KCTD8: variants seen among roughly 807,000 people sequenced by gnomAD.
KCTD8 encodes the protein BTB/POZ domain-containing protein KCTD8.
Under a neutral mutation model 31.5 loss-of-function variants are expected in KCTD8, and 27 were observed. The observed-to-expected ratio is 0.86, with a 90% CI of 0.63 to 1.18. The LOEUF is 1.18. Ranked by LOEUF, KCTD8 falls within the 50% of genes most tolerant of loss-of-function variation. The pLI, the probability that KCTD8 is intolerant of heterozygous loss-of-function variation, is 0.00. For synonymous variants in KCTD8, 290 were observed against 280.0 expected (o/e 1.04, Z -0.36); for missense variants, 658 against 647.7 (o/e 1.02, Z -0.17).
chr4:44,402,606 C>G (rs963982263), intron 1 of KCTD8, among the ~76,000 whole-genome samples: 11 of 152,236 alleles, frequency 7.2e-5, no homozygotes, highest in African/African-American at 2.4e-4. Flanking sequence ...AGTCTCCATC[C>G]TAGGTCCTGG....
At chr4:44,193,998 G>T (rs1713852936) in intron 1 of KCTD8, among the ~76,000 whole-genome samples, 1 of 152,124 alleles carries the variant, frequency 6.6e-6, no homozygotes, top group Non-Finnish European at 1.5e-5. Flanking sequence ...ATATAACAGA[G>T]AAAGAATAGA....
At chr4:44,313,922 G>A (rs1349331083) in intron 1 of KCTD8, among the ~76,000 whole-genome samples, 1 of 152,206 alleles carries the variant, frequency 6.6e-6, no homozygotes, top group African/African-American at 2.4e-5. Flanking sequence ...CAAACTTACG[G>A]AAATGGAACA....
intron 1 of KCTD8, among the ~76,000 whole-genome samples, chr4:44,218,194 C>T (rs541001565): frequency 6.0e-4 from 78 of 129,624 alleles, no homozygotes; most frequent in African/African-American, 2.2e-3. Context: ...AGTACGGTGG[C>T]GCAATCTCGG....
chr4:44,283,552 T>C (rs1442598645), intron 1 of KCTD8, among the ~76,000 whole-genome samples: 1 of 152,050 alleles, frequency 6.6e-6, no homozygotes, highest in African/African-American at 2.4e-5. Flanking sequence ...CCTTAATAAT[T>C]ATTCTAAGTC....
chr4:44,328,893 G>C (rs1718521776), intron 1 of KCTD8, among the ~76,000 whole-genome samples: 1 of 151,842 alleles, frequency 6.6e-6, no homozygotes, highest in South Asian at 2.1e-4. Context: ...GGAGTACAAG[G>C]GGAAGGAAAA....
chr4:44,406,557 T>A (rs143220269), intron 1 of KCTD8, among the ~76,000 whole-genome samples: 23 of 152,276 alleles, frequency 1.5e-4, no homozygotes, highest in African/African-American at 5.1e-4. Flanking sequence ...TCCCCAGCCA[T>A]GTCGAAGTCC....
intron 1 of KCTD8, among the ~76,000 whole-genome samples, chr4:44,189,901 T>C (rs1713711507): frequency 6.6e-6 from 1 of 152,148 alleles, no homozygotes; most frequent in African/African-American, 2.4e-5. Flanking sequence ...AGGTTTCAAA[T>C]CTCAGAGTCA....
At chr4:44,253,330 CA>C (rs1715898836) in intron 1 of KCTD8, among the ~76,000 whole-genome samples, 2 of 151,300 alleles carry the variant, frequency 1.3e-5, no homozygotes, top group Admixed American at 1.3e-4. Flanking sequence ...ATTGGCTATT[CA>C]GATTTATAAT....
At chr4:44,319,345 A>G (rs1718228524) in intron 1 of KCTD8, among the ~76,000 whole-genome samples, 1 of 152,060 alleles carries the variant, frequency 6.6e-6, no homozygotes, top group Non-Finnish European at 1.5e-5. Flanking sequence ...GGAGTGGGGG[A>G]TTAGCAGGAG....
chr4:44,201,001 T>C (rs1714130260), intron 1 of KCTD8, among the ~76,000 whole-genome samples: 1 of 151,938 alleles, frequency 6.6e-6, no homozygotes, highest in Non-Finnish European at 1.5e-5. Flanking sequence ...AATGGCATTG[T>C]TATGCATCAA....
intron 1 of KCTD8, among the ~76,000 whole-genome samples, chr4:44,301,737 C>T (rs1349832795): frequency 6.6e-6 from 1 of 152,136 alleles, no homozygotes; most frequent in Non-Finnish European, 1.5e-5. Flanking sequence ...TCCCATTTGT[C>T]AATTTTGGCT....
At chr4:44,195,554 T>C (rs888784718) in intron 1 of KCTD8, among the ~76,000 whole-genome samples, 1 of 152,206 alleles carries the variant, frequency 6.6e-6, no homozygotes, top group Non-Finnish European at 1.5e-5. Flanking sequence ...GTTTGTTTTT[T>C]ATTGGTTTCG....
chr4:44,372,215 A>G (rs1719805922), intron 1 of KCTD8, among the ~76,000 whole-genome samples: 1 of 152,182 alleles, frequency 6.6e-6, no homozygotes, highest in African/African-American at 2.4e-5. Flanking sequence ...AAAAAAACAA[A>G]CAGATGTACC....
chr4:44,308,613 C>T (rs1201909597), intron 1 of KCTD8, among the ~76,000 whole-genome samples: 1 of 151,962 alleles, frequency 6.6e-6, no homozygotes, highest in African/African-American at 2.4e-5. Context: ...TTTACAAGAA[C>T]AGATGTACTA....
chr4:44,269,925 AC>A (rs1203053371), intron 1 of KCTD8, among the ~76,000 whole-genome samples: 7 of 151,832 alleles, frequency 4.6e-5, no homozygotes. Flanking sequence ...AAATAGGAAC[AC>A]TTTTACACTG....
At chr4:44,184,567 T>A (rs1327938517) in intron 1 of KCTD8, among the ~76,000 whole-genome samples, 1 of 152,208 alleles carries the variant, frequency 6.6e-6, no homozygotes, top group Non-Finnish European at 1.5e-5. Context: ...TTATCATATT[T>A]ACCTACTCAT....
intron 1 of KCTD8, among the ~76,000 whole-genome samples, chr4:44,205,524 T>C (rs186314250): frequency 5.3e-5 from 8 of 151,948 alleles, no homozygotes; most frequent in Non-Finnish European, 1.0e-4. Context: ...GTACTGGAAG[T>C]AACTGTAAAG....
chr4:44,275,897 G>T (rs2109375415), intron 1 of KCTD8, among the ~76,000 whole-genome samples: 1 of 152,086 alleles, frequency 6.6e-6, no homozygotes, highest in Non-Finnish European at 1.5e-5. Context: ...CAGAAAAAAA[G>T]AACTTTTCAT....
chr4:44,390,718 A>G (rs903308836), intron 1 of KCTD8, among the ~76,000 whole-genome samples: 1 of 151,942 alleles, frequency 6.6e-6, no homozygotes, highest in African/African-American at 2.4e-5. Context: ...GCTATAATCA[A>G]TAATTCAAAA....
Sources: gnomAD v4.1 joint callset for allele counts (sites outside exome capture counted in the v4.1 genomes callset) on GRCh38, gnomAD v4.1.1 for gene constraint, MANE v1.5 for transcripts, NCBI Gene and HGNC (gene_info 2026-07-23, HGNC 2026-07-21) for gene names.